UGT8: variants seen among roughly 807,000 people sequenced by gnomAD.
UGT8 encodes the protein 2-hydroxyacylsphingosine 1-beta-galactosyltransferase.
Under a neutral mutation model 40.5 loss-of-function variants are expected in UGT8, and 12 were observed. That is an observed-to-expected ratio of 0.30 (90% CI 0.19 to 0.48). The LOEUF (loss-of-function observed/expected upper bound fraction) is 0.48, where lower values mean the gene tolerates loss of function less well. Ranked by LOEUF, UGT8 falls within the 20% of genes least tolerant of loss-of-function variation. The pLI, the probability that UGT8 is intolerant of heterozygous loss-of-function variation, is 0.99. For synonymous variants in UGT8, 224 were observed against 240.4 expected, an observed-to-expected ratio of 0.93 and a Z score of 0.63; for missense variants, 513 against 648.7, an observed-to-expected ratio of 0.79 and a Z score of 2.27.
intron 2 of UGT8, among the ~76,000 whole-genome samples, chr4:114,630,373 A>G (rs1413865145): frequency 6.6e-6 from 1 of 152,222 alleles, no homozygotes; most frequent in Non-Finnish European, 1.5e-5. Context: ...TACTTACTTC[A>G]GAGGACTTTT....
chr4:114,601,437 G>C (rs1029179969), intron 1 of UGT8, among the ~76,000 whole-genome samples: 5 of 151,832 alleles, frequency 3.3e-5, no homozygotes, highest in African/African-American at 1.2e-4. Context: ...ACATACACCT[G>C]GGAATTTCTA....
chr4:114,632,614 GT>G (rs1446955245), intron 2 of UGT8, among the ~76,000 whole-genome samples: 1 of 152,164 alleles, frequency 6.6e-6, no homozygotes, highest in Non-Finnish European at 1.5e-5. Context: ...TAGAGAAAAG[GT>G]CTTCTGATAG....
intron 1 of UGT8, among the ~76,000 whole-genome samples, chr4:114,610,646 A>G (rs532639009): frequency 6.6e-6 from 1 of 152,176 alleles, no homozygotes. Context: ...CAACCTATCT[A>G]ATACAACCTT....
rs564511209 is a variant in UGT8, at chr4:114,665,016, T to C, written c.966-664T>C. 9.8e-5 allele frequency among the ~76,000 whole-genome samples: 15 copies of C among 152,358 alleles called. No individual in the cohort carries two copies. The South Asian group carries it at 1.2e-3, about 13-fold the overall frequency. On this transcript the variant is annotated intron_variant, in intron 3 of 5. Transcript: ENST00000310836. ...CTTTTCCCTTCAGATTCGAGTCCCA[T>C]TGGGTTTCCTCTGTTAGGCTTAACC...
At position 114,676,198 on chromosome 4, in the gene UGT8, T is replaced by A. The variant is rs147354647; in HGVS notation, c.1536T>A (p.His512Gln). Residue 512 changes from histidine to glutamine, a missense_variant, in exon 6 of 6, where the codon CAT (histidine) becomes CAA (glutamine). By Grantham distance (24) the His-to-Gln change is conservative. Transcript: ENST00000310836. ...AAAGTCTGTGGTCTAGAAATAAGCA[T>A]AGCACAGTTAATGGACATTACCACA... ...KIKSLWSRNK[H>Q]STVNGHYHNG... 11 of 1,613,984 alleles carry A rather than the reference T, an allele frequency of 6.8e-6. No homozygotes were observed. The highest frequency in any genetic ancestry group is 1.7e-5 in the Admixed American group (1 of 59,992).
Position 114,598,848 on chromosome 4 carries a change from CT to C in UGT8, c.-127del. ...CCAACACGCTAACTCCGAAGCCTCC[CT>C]TACGCCCCCGAACCACCGAAGGCGG... is the stretch of plus-strand genomic sequence containing the variant. On this transcript the variant is annotated 5_prime_UTR_variant, in exon 1 of 6. Coordinates refer to ENST00000310836, the MANE Select transcript of UGT8 (RefSeq NM_001128174.3). 1 of 152,780 alleles carries C rather than the reference CT, an allele frequency of 6.5e-6. No individual in the cohort carries two copies. Among genetic ancestry groups the C allele is most frequent in the Non-Finnish European group, 1.5e-5 (1 of 68,464 alleles). 9.5% of individuals were successfully genotyped at this position (152,780 alleles called of 1,614,324 possible).
intron 1 of UGT8, among the ~76,000 whole-genome samples, chr4:114,600,332 T>G (rs530665981): frequency 6.6e-6 from 1 of 152,314 alleles, no homozygotes; most frequent in South Asian, 2.1e-4. Flanking sequence ...TACCAGTTTT[T>G]CAGTATCAAT....
At chr4:114,668,850 G>A (rs945346534) in intron 5 of UGT8, among the ~76,000 whole-genome samples, 13 of 152,182 alleles carry the variant, frequency 8.5e-5, no homozygotes, top group African/African-American at 2.4e-4. Flanking sequence ...GAATGATGAA[G>A]CAGAATCTTT....
chr4:114,646,564 A>G (rs1392722055), intron 2 of UGT8, among the ~76,000 whole-genome samples: 1 of 152,170 alleles, frequency 6.6e-6, no homozygotes, highest in African/African-American at 2.4e-5. Flanking sequence ...TCACAGGAGA[A>G]TTAAGCCCTG....
At chr4:114,619,273 A>C (rs564622488) in intron 1 of UGT8, 6 of 152,122 alleles carry the variant, frequency 3.9e-5, no homozygotes, top group Non-Finnish European at 7.4e-5. Flanking sequence ...ATTCCTGTGT[A>C]TATATCTTCA....
intron 1 of UGT8, among the ~76,000 whole-genome samples, chr4:114,619,996 GAT>G (rs768341178): frequency 6.6e-5 from 10 of 151,260 alleles, no homozygotes; most frequent in Non-Finnish European, 1.5e-4. Context: ...TAAAATATAA[GAT>G]AATTATATCT....
chr4:114,625,100 C>T (rs1398365816), intron 2 of UGT8, among the ~76,000 whole-genome samples: 1 of 152,112 alleles, frequency 6.6e-6, no homozygotes, highest in African/African-American at 2.4e-5. Flanking sequence ...ACAAATCATC[C>T]TTGTTCTCTC....
At chr4:114,675,471 T>G (rs964613390) in intron 5 of UGT8, among the ~76,000 whole-genome samples, 1 of 152,078 alleles carries the variant, frequency 6.6e-6, no homozygotes, top group Non-Finnish European at 1.5e-5. Flanking sequence ...CCGGGCGCGG[T>G]GGCTCACGCC....
At chr4:114,613,819 C>A (rs890836637) in intron 1 of UGT8, among the ~76,000 whole-genome samples, 1 of 152,082 alleles carries the variant, frequency 6.6e-6, no homozygotes, top group Non-Finnish European at 1.5e-5. Context: ...ACTTTGGAAC[C>A]TGTATTTTTA....
At chr4:114,625,628 T>C (rs985525984) in intron 2 of UGT8, among the ~76,000 whole-genome samples, 2 of 152,040 alleles carry the variant, frequency 1.3e-5, no homozygotes, top group Non-Finnish European at 2.9e-5. Context: ...AGTATAAGTG[T>C]AGGAAAATAT....
intron 1 of UGT8, among the ~76,000 whole-genome samples, chr4:114,620,657 A>G (rs1731728544): frequency 6.6e-6 from 1 of 152,168 alleles, no homozygotes; most frequent in Non-Finnish European, 1.5e-5. Context: ...CTTATTCTTA[A>G]TGGTATAATT....
At position 114,663,465 on chromosome 4, in the gene UGT8, T is replaced by C. The variant is rs563107134; in HGVS notation, c.823-530T>C. Among the ~76,000 whole-genome samples the C allele has an allele frequency of 2.6e-5, 4 of 152,180 alleles. No homozygotes were observed. In the East Asian group the frequency reaches 5.8e-4, roughly 22 times the overall value. ...GCTGGGTGTCTTTGGCAAAGATTTA[T>C]TCAAAAGGATGGCATCATTAAAAAC... On this transcript the variant is annotated intron_variant, in intron 2 of 5. Transcript: ENST00000310836.
In UGT8 at chr4:114,623,146, A is replaced by C; in HGVS notation, c.266A>C (p.Lys89Thr). The change falls in exon 2 of 6, where the codon AAG (lysine) becomes ACG (threonine). Residue 89 changes from lysine (K) to threonine (T), a missense_variant. Lys to Thr is a moderately conservative substitution (Grantham distance 78, BLOSUM62 -1). Around this residue, in one of 3 missense-constraint regions of UGT8, gnomAD observed 335 missense variants for 444.8 expected, o/e 0.75. Transcript: ENST00000310836. Reference sequence around the variant, plus strand: ...ACCTCAGATGCTTTCCTACAGTCCAAGATGCGGAATATTTTCTCTGGGAGA... The same window carrying C: ...ACCTCAGATGCTTTCCTACAGTCCACGATGCGGAATATTTTCTCTGGGAGA... ...STTSDAFLQS[K>T]MRNIFSGRLT... 6.2e-7 allele frequency: 1 copy of C among 1,614,098 alleles called. No individual in the cohort carries two copies. Among genetic ancestry groups the C allele is most frequent in the African/African-American group, 1.3e-5 (1 of 75,020 alleles).
chr4:114,674,014 T>C (rs1019248566), intron 5 of UGT8, among the ~76,000 whole-genome samples: 7 of 152,156 alleles, frequency 4.6e-5, no homozygotes, highest in African/African-American at 1.7e-4. Flanking sequence ...CCTTCATTTG[T>C]TTTTTCTCTC....
Sources: gnomAD v4.1 joint callset for allele counts (sites outside exome capture counted in the v4.1 genomes callset) on GRCh38, gnomAD v4.1.1 for gene constraint, gnomAD v4.1.1 regional missense constraint, MANE v1.5 for transcripts, NCBI Gene and HGNC (gene_info 2026-07-23, HGNC 2026-07-21) for gene names.